VIPR1: variants seen among roughly 807,000 people sequenced by gnomAD.
VIPR1 encodes vasoactive intestinal peptide receptor 1, also known as vasoactive intestinal polypeptide receptor 1.
Under a neutral mutation model 58.8 loss-of-function variants are expected in VIPR1, and 59 were observed. That is an observed-to-expected ratio of 1.00 (90% CI 0.81 to 1.25). The LOEUF is 1.25. Ranked by LOEUF, VIPR1 falls within the 50% of genes most tolerant of loss-of-function variation. VIPR1 has a pLI of 0.00. For missense variants in VIPR1, 626 were observed against 602.7 expected (o/e 1.04, Z -0.40); for synonymous variants, 251 against 242.1 (o/e 1.04, Z -0.34).
chr3:42,500,747 G>T (rs772357224), upstream of VIPR1, among the ~76,000 whole-genome samples: 4 of 152,156 alleles, frequency 2.6e-5, no homozygotes, highest in Non-Finnish European at 2.9e-5. Context: ...AGCCGTCAGG[G>T]GTGTGGATAG....
At chr3:42,521,016 G>A (rs1042577841) in intron 3 of VIPR1, among the ~76,000 whole-genome samples, 1 of 152,124 alleles carries the variant, frequency 6.6e-6, no homozygotes, top group Non-Finnish European at 1.5e-5. Flanking sequence ...CCATCACCAA[G>A]CCTGGAAACT....
chr3:42,530,878 G>A lies in VIPR1; in HGVS notation c.736G>A (p.Val246Ile), dbSNP rs776206770. 27 of 1,613,950 alleles carry A rather than the reference G, an allele frequency of 1.7e-5. No homozygotes were observed. The highest frequency in any genetic ancestry group is 1.6e-4 in the Middle Eastern group (1 of 6,082). The change falls in exon 7 of 13, where the codon GTC becomes ATC. Residue 246 changes from valine to isoleucine, a missense_variant. Val to Ile is a conservative substitution (Grantham distance 29). Transcript: ENST00000325123. The stretch of plus-strand genomic sequence containing the variant: ...CCTCTACCTGTACACCCTGCTTGCC[G>A]TCTCCTTCTTCTCTGAGCGGAAGTA... The part of the protein sequence containing the change: ...EGLYLYTLLA[V>I]SFFSERKYFW...
upstream of VIPR1, chr3:42,500,458 C>T (rs1269516229): frequency 1.2e-4 from 18 of 152,304 alleles, no homozygotes; most frequent in Admixed American, 1.2e-3. Flanking sequence ...TTCAACAACC[C>T]TGGGGGCATG....
chr3:42,520,063 C>T (rs1700835294), intron 3 of VIPR1, among the ~76,000 whole-genome samples: 1 of 152,152 alleles, frequency 6.6e-6, no homozygotes, highest in African/African-American at 2.4e-5. Flanking sequence ...CACAAACAGC[C>T]CCTCTCTGAG....
rs1311015854 is a variant in VIPR1, at chr3:42,513,803, G to A, written c.133G>A (p.Val45Met). 3 of 1,551,682 alleles carry A rather than the reference G, an allele frequency of 1.9e-6. No homozygotes were observed. In the Admixed American group the frequency reaches 5.9e-5, roughly 30 times the overall value. Residue 45 changes from valine to methionine, a missense_variant, in exon 2 of 13, where the codon GTG becomes ATG. Val to Met is a conservative substitution (Grantham distance 21, BLOSUM62 1). Coordinates refer to ENST00000325123, the MANE Select transcript of VIPR1 (RefSeq NM_004624.4). ...EECDYVQMIEVQHKQCLEEAQ... is the reference protein window; with the variant it reads ...EECDYVQMIEMQHKQCLEEAQ... ...GTGTGACTATGTGCAGATGATCGAG[G>A]TGCAGCACAAGCAGTGCCTGGAGGA...
chr3:42,492,865 C>A (rs1559473412), intron 1 of VIPR1, among the ~76,000 whole-genome samples: 1 of 152,224 alleles, frequency 6.6e-6, no homozygotes, highest in East Asian at 1.9e-4. Flanking sequence ...AGGCCCCAGC[C>A]CCACCAAACC....
At chr3:42,513,982 GC>G in intron 2 of VIPR1, 128 bp downstream of exon 2, 2 of 1,070,488 alleles carry the variant, frequency 1.9e-6, no homozygotes, top group Non-Finnish European at 2.7e-6. Context: ...CGGCTGGGGA[GC>G]CAGATGGAAG....
intron 3 of VIPR1, among the ~76,000 whole-genome samples, chr3:42,522,728 T>C (rs1663892091): frequency 6.6e-6 from 1 of 151,944 alleles, no homozygotes; most frequent in Non-Finnish European, 1.5e-5. Context: ...TCCTACCTAA[T>C]CCAGGGGAGA....
chr3:42,490,552 A>C (rs1275730434), intron 1 of VIPR1, among the ~76,000 whole-genome samples: 3 of 152,230 alleles, frequency 2.0e-5, no homozygotes, highest in Non-Finnish European at 4.4e-5. Flanking sequence ...CCTGGCCTGG[A>C]AGTCCCTTAC....
At chr3:42,532,399 C>G (rs1234492171) in intron 10 of VIPR1, 66 bp downstream of exon 10, 2 of 1,488,460 alleles carry the variant, frequency 1.3e-6, no homozygotes, top group Non-Finnish European at 1.9e-6. Context: ...CATCCCACAT[C>G]TCCTTGAAGT....
At chr3:42,502,872 G>GGGGT in intron 1 of VIPR1, 59 bp downstream of exon 1, 1 of 1,121,980 alleles carries the variant, frequency 8.9e-7, no homozygotes, top group Non-Finnish European at 1.1e-6. Flanking sequence ...GAGGGCGGGG[G>GGGGT]AGGTGGGGGA....
At chr3:42,536,022 C>CT in intron 12 of VIPR1, 68 bp from the exon 13 acceptor site, 2 of 1,488,026 alleles carry the variant, frequency 1.3e-6, no homozygotes, top group Non-Finnish European at 1.8e-6. Context: ...ACCCTAAGTC[C>CT]AGGGCAGCCC....
At chr3:42,511,304 T>TGGG (rs1259696383) in intron 1 of VIPR1, among the ~76,000 whole-genome samples, 1 of 152,176 alleles carries the variant, frequency 6.6e-6, no homozygotes, top group Non-Finnish European at 1.5e-5. Flanking sequence ...TCCAGTCCAG[T>TGGG]GGGGAAAAAC....
intron 11 of VIPR1, 78 bp from the exon 12 acceptor site, chr3:42,535,265 G>A (rs901970630): frequency 8.8e-6 from 14 of 1,599,938 alleles, no homozygotes; most frequent in Non-Finnish European, 1.2e-5. Flanking sequence ...GGGAACACAG[G>A]GGCTGGAGCC....
At chr3:42,515,366 G>C (rs140490845) in intron 2 of VIPR1, among the ~76,000 whole-genome samples, 2,123 of 152,270 alleles carry the variant, frequency 0.014, 54 homozygotes, top group African/African-American at 0.047. Flanking sequence ...GGGTCACGGG[G>C]TGGCTGGGCC....
intron 1 of VIPR1, among the ~76,000 whole-genome samples, chr3:42,505,477 G>C (rs562426594): frequency 8.5e-5 from 13 of 152,372 alleles, no homozygotes; most frequent in African/African-American, 3.1e-4. Flanking sequence ...TCCAGAGGCG[G>C]ACCACAGCTG....
intron 1 of VIPR1, among the ~76,000 whole-genome samples, chr3:42,506,005 G>T (rs1700106770): frequency 6.6e-6 from 1 of 152,206 alleles, no homozygotes; most frequent in Non-Finnish European, 1.5e-5. Flanking sequence ...TTGTGAAGGT[G>T]GCTATGTGAA....
intron 3 of VIPR1, among the ~76,000 whole-genome samples, chr3:42,522,358 C>T (rs1452769054): frequency 2.6e-5 from 4 of 151,936 alleles, no homozygotes; most frequent in African/African-American, 4.8e-5. Context: ...CCACCTGCCT[C>T]GGCCTCCCAA....
intron 2 of VIPR1, among the ~76,000 whole-genome samples, chr3:42,515,219 CTCT>C (rs1333103176): frequency 6.6e-6 from 1 of 152,248 alleles, no homozygotes; most frequent in Non-Finnish European, 1.5e-5. Flanking sequence ...TTCTGGGTCC[CTCT>C]TCTTGGCCCT....
Sources: gnomAD v4.1 joint callset for allele counts (sites outside exome capture counted in the v4.1 genomes callset) on GRCh38, gnomAD v4.1.1 for gene constraint, MANE v1.5 for transcripts, NCBI Gene and HGNC (gene_info 2026-07-23, HGNC 2026-07-21) for gene names.